Variants in PALD1 observed in about 807,000 individuals in gnomAD.
PALD1 encodes paladin.
A neutral mutation model predicts 96.0 loss-of-function variants in PALD1; 57 were observed. The ratio of observed to expected loss-of-function variants is 0.59; its 90% CI spans 0.48 to 0.74. PALD1 has a LOEUF of 0.74. PALD1 is among the 30% of genes least tolerant of loss of function. PALD1 has a pLI of 0.00. For synonymous variants in PALD1, 464 were observed against 473.6 expected (o/e 0.98, Z 0.26); for missense variants, 1,063 against 1,143.7 (o/e 0.93, Z 1.02).
chr10:70,544,982 CAG>C (rs1847331851), intron 17 of PALD1, among the ~76,000 whole-genome samples: 1 of 152,232 alleles, frequency 6.6e-6, no homozygotes, highest in African/African-American at 2.4e-5. Flanking sequence ...AAGTGGCAGC[CAG>C]AGAGAGAAGA....
intron 1 of PALD1, among the ~76,000 whole-genome samples, chr10:70,507,788 TGTG>T (rs1230967242): frequency 3.4e-5 from 5 of 145,620 alleles, no homozygotes; most frequent in African/African-American, 1.3e-4. Flanking sequence ...TGTGTGTGTG[TGTG>T]GTGTATGTAT....
At position 70,538,361 on chromosome 10, in the gene PALD1, T is replaced by G. The variant is rs1484993463; in HGVS notation, c.1405T>G (p.Ser469Ala). 6.2e-7 allele frequency: 1 copy of G among 1,611,034 alleles called. No individual in the cohort carries two copies. Residue 469 changes from serine to alanine, a missense_variant, in exon 12 of 20, where the codon TCA (serine) becomes GCA (alanine). Transcript: ENST00000263563. Reference protein sequence around the residue: ...ELYRLPVTLSSAGPVAPRDLI... With the variant: ...ELYRLPVTLSAAGPVAPRDLI... The stretch of plus-strand genomic sequence containing the variant: ...GTACCGCCTGCCCGTGACGCTGAGC[T>G]CAGCAGGCCCTGTGGCTCCGAGGGA...
upstream of PALD1, among the ~76,000 whole-genome samples, chr10:70,478,620 G>GC: frequency 6.6e-6 from 1 of 152,232 alleles, no homozygotes; most frequent in Non-Finnish European, 1.5e-5. Flanking sequence ...CGGGGAACGT[G>GC]GCGCCCGCGT....
intron 1 of PALD1, among the ~76,000 whole-genome samples, chr10:70,492,899 G>T (rs920748427): frequency 1.3e-5 from 2 of 152,176 alleles, no homozygotes; most frequent in African/African-American, 4.8e-5. Flanking sequence ...CCCTAAGCAG[G>T]TATTCATGGA....
intron 1 of PALD1, among the ~76,000 whole-genome samples, chr10:70,490,594 ATAG>A (rs943610423): frequency 2.0e-5 from 3 of 152,256 alleles, no homozygotes; most frequent in African/African-American, 7.2e-5. Context: ...AAAACAGGAA[ATAG>A]TAGTAAAACC....
At chr10:70,510,332 G>A (rs187613265) in intron 1 of PALD1, among the ~76,000 whole-genome samples, 1 of 152,300 alleles carries the variant, frequency 6.6e-6, no homozygotes, top group East Asian at 1.9e-4. Context: ...GTGGCAGCCA[G>A]GAGAGTGTCA....
intron 1 of PALD1, among the ~76,000 whole-genome samples, chr10:70,483,843 CTTT>C (rs1845973241): frequency 6.6e-6 from 1 of 152,174 alleles, no homozygotes; most frequent in African/African-American, 2.4e-5. Flanking sequence ...GTGTCCCCGG[CTTT>C]TTTTAGGATC....
chr10:70,565,367 G>A (rs1470149791), intron 19 of PALD1, among the ~76,000 whole-genome samples: 1 of 152,218 alleles, frequency 6.6e-6, no homozygotes, highest in Non-Finnish European at 1.5e-5. Flanking sequence ...TAGGTCAGAA[G>A]AGAGGCCTCC....
At position 70,526,075 on chromosome 10, in the gene PALD1, A is replaced by T; in HGVS notation, c.124A>T (p.Ser42Cys). The change falls in exon 2 of 20, where the codon AGC becomes TGC. Residue 42 changes from serine to cysteine, a missense_variant. Physicochemically the swap from Ser to Cys is moderately radical, Grantham distance 112. Coordinates refer to ENST00000263563, the MANE Select transcript of PALD1 (RefSeq NM_014431.3). ...SVSIHSFQST[S>C]LHNSKAKSII... The stretch of plus-strand genomic sequence containing the variant: ...CAGCATCCACTCCTTCCAGAGCACT[A>T]GCTTGCATAACAGCAAGGCCAAGTC... The T allele has an allele frequency of 6.2e-7, 1 of 1,614,202 alleles. No individual in the cohort carries two copies. Among genetic ancestry groups the T allele is most frequent in the Non-Finnish European group, 8.5e-7 (1 of 1,180,028 alleles).
At chr10:70,478,635 C>G (rs1235286965), upstream of PALD1, among the ~76,000 whole-genome samples, 1 of 152,158 alleles carries the variant, frequency 6.6e-6, no homozygotes, top group Non-Finnish European at 1.5e-5. Flanking sequence ...CCGCGTTCCT[C>G]CCGCCCGGGG....
chr10:70,538,243 G>A, intron 11 of PALD1, 37 bp from the exon 12 acceptor site: 1 of 1,597,044 alleles, frequency 6.3e-7, no homozygotes, highest in Non-Finnish European at 8.5e-7. Flanking sequence ...ATGGCCCTGT[G>A]CCCCTGAATT....
At chr10:70,466,765 G>C in the PALD1 span, among the ~76,000 whole-genome samples, 1 of 152,288 alleles carries the variant, frequency 6.6e-6, no homozygotes, top group South Asian at 2.1e-4. Flanking sequence ...GAGAGAATGT[G>C]GAACACTCTG....
chr10:70,507,750 CGTGTGTGTGTGTGTGTGTGT>C (rs10579511), intron 1 of PALD1, among the ~76,000 whole-genome samples: 8 of 148,640 alleles, frequency 5.4e-5, no homozygotes, highest in Admixed American at 1.3e-4. Context: ...TTTGTGTGTG[CGTGTGTGTGTGTGTGTGTGT>C]GTGTGTGTGT....
chr10:70,512,950 T>G (rs1846542385), intron 1 of PALD1, among the ~76,000 whole-genome samples: 1 of 152,118 alleles, frequency 6.6e-6, no homozygotes, highest in South Asian at 2.1e-4. Flanking sequence ...AAACTACGGG[T>G]GGCTAATTAG....
At chr10:70,541,016 TG>T in intron 15 of PALD1, 85 bp from the exon 16 acceptor site, 1 of 1,432,188 alleles carries the variant, frequency 7.0e-7, no homozygotes. Flanking sequence ...GGACAGTGGC[TG>T]GGGCTGCCAT....
chr10:70,472,026 T>C, the PALD1 span, among the ~76,000 whole-genome samples: 1 of 152,300 alleles, frequency 6.6e-6, no homozygotes, highest in Middle Eastern at 3.4e-3. Flanking sequence ...CTTTGGAATG[T>C]GCCTGGTAAG....
At chr10:70,496,831 G>A (rs1846203298) in intron 1 of PALD1, among the ~76,000 whole-genome samples, 1 of 152,176 alleles carries the variant, frequency 6.6e-6, no homozygotes, top group East Asian at 1.9e-4. Context: ...GACCGAGGAG[G>A]TTCCAGAGGG....
Position 70,539,448 on chromosome 10 carries a change from C to T in PALD1, c.1726-132C>T, listed in dbSNP as rs1212182486. 1 of 1,046,740 alleles carries T rather than the reference C, an allele frequency of 9.6e-7. No homozygotes were observed. The highest frequency in any genetic ancestry group is 1.6e-5 in the African/African-American group (1 of 62,084). 64.8% of individuals were successfully genotyped at this position (1,046,740 alleles called of 1,614,324 possible). A position where few individuals can be genotyped will look rare whatever the true frequency, so the allele number is the denominator to read the frequency against. On this transcript the variant is annotated intron_variant, in intron 14 of 19. Transcript: ENST00000263563. The surrounding 1 kb of genome is among the most constrained non-coding windows in gnomAD (Gnocchi z 4.5). Reference sequence around the variant, plus strand: ...CTTGGCTTTGGGGGGTGGCTGTGACCCCTGAGGCTTGGGGGGGTCAGGGAT... The same window carrying T: ...CTTGGCTTTGGGGGGTGGCTGTGACTCCTGAGGCTTGGGGGGGTCAGGGAT...
At chr10:70,537,773 T>C in intron 10 of PALD1, 38 bp from the exon 11 acceptor site, 2 of 1,405,082 alleles carry the variant, frequency 1.4e-6, no homozygotes, top group Non-Finnish European at 2.0e-6. Context: ...CAAGACTGCC[T>C]GAGGAGTCTG....
Sources: allele counts gnomAD v4.1 joint callset (sites outside exome capture counted in the v4.1 genomes callset), GRCh38; gene constraint gnomAD v4.1.1; non-coding constraint Gnocchi (gnomAD v3.1); transcripts MANE v1.5; gene names NCBI Gene and HGNC (gene_info 2026-07-23, HGNC 2026-07-21).